The following CPAMD8 variants were observed in gnomAD, a reference collection of about 807,000 sequenced individuals.
CPAMD8 encodes C3 and PZP-like alpha-2-macroglobulin domain-containing protein 8.
CPAMD8 carries 146 observed loss-of-function variants against 224.7 expected under a neutral mutation model. The ratio of observed to expected loss-of-function variants is 0.65; its 90% CI spans 0.57 to 0.75. The LOEUF (loss-of-function observed/expected upper bound fraction) is 0.75, where lower values mean the gene tolerates loss of function less well. CPAMD8 is among the 30% of genes least tolerant of loss of function. The pLI is 0.00. For missense variants in CPAMD8, 2,301 were observed against 2,537.5 expected, an observed-to-expected ratio of 0.91 and a Z score of 2.00; for synonymous variants, 966 against 1,044.6, an observed-to-expected ratio of 0.92 and a Z score of 1.45.
intron 7 of CPAMD8, among the ~76,000 whole-genome samples, chr19:17,007,460 A>C (rs960652934): frequency 1.3e-5 from 2 of 151,876 alleles, no homozygotes; most frequent in African/African-American, 4.8e-5. Flanking sequence ...GGAAGATCGA[A>C]GAAGAAGGAG....
At chr19:16,985,729 A>G (rs1166887214) in intron 13 of CPAMD8, among the ~76,000 whole-genome samples, 9 of 145,986 alleles carry the variant, frequency 6.2e-5, no homozygotes, top group Non-Finnish European at 1.1e-4. Context: ...GATAAAGGGT[A>G]GTAGGTGGAT....
chr19:16,921,272 C>G (rs1371157363), intron 27 of CPAMD8, among the ~76,000 whole-genome samples: 1 of 152,160 alleles, frequency 6.6e-6, no homozygotes, highest in African/African-American at 2.4e-5. Flanking sequence ...ACGCTCACAG[C>G]TGCTGTCGGC....
intron 30 of CPAMD8, among the ~76,000 whole-genome samples, chr19:16,906,391 TTTCTTTCTTTCTTTCTTTCC>T (rs773901869): frequency 0.014 from 1,068 of 78,380 alleles, 3 homozygotes; most frequent in Admixed American, 0.016. Context: ...TCTTTCTTTC[TTTCTTTCTTTCTTTCTTTCC>T]TTCCTTCCTT....
intron 6 of CPAMD8, 151 bp downstream of exon 6, chr19:17,009,152 G>A: frequency 2.3e-6 from 3 of 1,298,020 alleles, no homozygotes; most frequent in African/African-American, 1.5e-5. Context: ...GGCGGACCCA[G>A]GGACCAGGAT....
chr19:16,997,071 G>T lies in CPAMD8; in HGVS notation c.1095+40C>A, dbSNP rs367778759. ...TGGCTAGTGGTGGTGGTTTCACGGT[G>T]GTCCTTGGGCGGGAGGCAGCACAGT... On this transcript the variant is annotated intron_variant, in intron 11 of 41. Coordinates refer to ENST00000443236, the MANE Select transcript of CPAMD8 (RefSeq NM_015692.5). 1.3e-5 allele frequency: 17 copies of T among 1,293,662 alleles called. No homozygotes were observed. In the African/African-American group the frequency reaches 2.0e-4, roughly 15 times the overall value. 80.1% of individuals were successfully genotyped at this position (1,293,662 alleles called of 1,614,324 possible). A position where few individuals can be genotyped will look rare whatever the true frequency, so the allele number is the denominator to read the frequency against.
chr19:16,940,243 G>A (rs576683358), intron 22 of CPAMD8, among the ~76,000 whole-genome samples: 2 of 152,294 alleles, frequency 1.3e-5, no homozygotes, highest in African/African-American at 4.8e-5. Context: ...AGGGCAGCTT[G>A]TAAACTTCTC....
chr19:16,942,487 C>T (rs2085463), intron 22 of CPAMD8, among the ~76,000 whole-genome samples: 13,962 of 152,130 alleles, frequency 0.092, 2,212 homozygotes, highest in African/African-American at 0.32. Flanking sequence ...TATAAATAAA[C>T]TAATAAATAA....
At chr19:16,911,824 G>A (rs868796704) in intron 29 of CPAMD8, among the ~76,000 whole-genome samples, 5 of 152,256 alleles carry the variant, frequency 3.3e-5, no homozygotes, top group South Asian at 2.1e-4. Flanking sequence ...GATTACAGGC[G>A]TGAGCCACCA....
rs890431250 is a variant in CPAMD8 at position 16,907,641 on chromosome 19, T to G, written c.3862-524A>C. The G allele has an allele frequency of 4.7e-5, 7 of 150,456 alleles. No individual in the cohort carries two copies. The East Asian group carries it at 1.0e-3, about 21-fold the overall frequency. 9.3% of individuals were successfully genotyped at this position (150,456 alleles called of 1,614,324 possible). ...AAAAAAAATACAGACAGCATCTTAC[T>G]CTGTTGCCCAGGCTGGAGTGCAGTG... On this transcript the variant is annotated intron_variant, in intron 29 of 41. Transcript: ENST00000443236.
chr19:16,912,239 G>C (rs939820591), intron 29 of CPAMD8, among the ~76,000 whole-genome samples: 5 of 152,146 alleles, frequency 3.3e-5, no homozygotes, highest in African/African-American at 1.2e-4. Context: ...CCACAAAACT[G>C]GTCCCTTGTG....
Position 16,951,983 on chromosome 19 carries a change from C to T in CPAMD8, c.2494G>A (p.Gly832Ser), listed in dbSNP as rs2054311484. Residue 832 changes from glycine (G) to serine (S), a missense_variant, in exon 20 of 42, where the codon GGC becomes AGC. Physicochemically the swap from Gly to Ser is moderately conservative, Grantham distance 56 (BLOSUM62 0). Coordinates refer to ENST00000443236, the MANE Select transcript of CPAMD8 (RefSeq NM_015692.5). ...KIPLSVYNYM[G>S]TCAEVYMKLS... ...GGGCTGAGTACCTCAGCGCAGGTGCCCATGTAGTTGTAGACACTGAGCGGG... is the reference window on the plus strand; with the variant it reads ...GGGCTGAGTACCTCAGCGCAGGTGCTCATGTAGTTGTAGACACTGAGCGGG... The T allele has an allele frequency of 6.4e-7, 1 of 1,571,510 alleles. No homozygotes were observed. Among genetic ancestry groups the T allele is most frequent in the Admixed American group, 1.9e-5 (1 of 53,494 alleles).
intron 26 of CPAMD8, among the ~76,000 whole-genome samples, chr19:16,922,724 A>C (rs868139064): frequency 5.3e-5 from 8 of 150,746 alleles, no homozygotes; most frequent in African/African-American, 9.8e-5. Context: ...TGCTCCACAC[A>C]TCTGGGGTTC....
intron 8 of CPAMD8, 38 bp from the exon 9 acceptor site, chr19:17,002,388 T>A: frequency 1.4e-6 from 2 of 1,475,762 alleles, no homozygotes; most frequent in East Asian, 2.3e-5. Flanking sequence ...CTGGCTTCTG[T>A]CCCTAAGGTG....
intron 27 of CPAMD8, among the ~76,000 whole-genome samples, chr19:16,917,966 T>C (rs1331925028): frequency 1.3e-5 from 2 of 152,142 alleles, no homozygotes. Flanking sequence ...TAGTTGCATA[T>C]AACCGACACA....
intron 27 of CPAMD8, among the ~76,000 whole-genome samples, chr19:16,920,998 G>C (rs577406712): frequency 6.6e-5 from 10 of 152,218 alleles, no homozygotes; most frequent in African/African-American, 2.4e-4. Context: ...GGTGGGCGGG[G>C]CCTCTGCTTG....
In CPAMD8 at chr19:16,899,604, C is replaced by A; in HGVS notation, c.4774-55G>T. On this transcript the variant is annotated intron_variant, in intron 36 of 41. Transcript: ENST00000443236. The surrounding 1 kb of genome is among the most constrained non-coding windows in gnomAD (Gnocchi z 5.4). ...CAGACTCTCTACTTGCTTCCTCTCC[C>A]ATCCCCTGGGGGCAGTGGTCAGTGG... is the stretch of plus-strand genomic sequence containing the variant. The A allele has an allele frequency of 3.5e-6, 3 of 860,492 alleles. No homozygotes were observed. The highest frequency in any genetic ancestry group is 2.0e-6 in the Non-Finnish European group (1 of 494,982). 53.3% of individuals were successfully genotyped at this position (860,492 alleles called of 1,614,324 possible).
At chr19:16,980,353 A>G (rs2055464046) in intron 14 of CPAMD8, 144 bp downstream of exon 14, 4 of 676,428 alleles carry the variant, frequency 5.9e-6, no homozygotes, top group Non-Finnish European at 2.5e-6. Flanking sequence ...CCAGTCTGGT[A>G]TTGTTAAGGA....
chr19:17,008,424 G>T, intron 7 of CPAMD8, 81 bp downstream of exon 7: 1 of 1,524,078 alleles, frequency 6.6e-7, no homozygotes, highest in Non-Finnish European at 9.0e-7. Context: ...CATTAGCGGT[G>T]GGCCCTGGAC....
chr19:16,933,550 A>G (rs920615207), intron 23 of CPAMD8, among the ~76,000 whole-genome samples: 2 of 152,080 alleles, frequency 1.3e-5, no homozygotes, highest in Non-Finnish European at 2.9e-5. Context: ...TCCACAAAAA[A>G]AAAGACATAC....
Sources: gnomAD v4.1 joint callset for allele counts (sites outside exome capture counted in the v4.1 genomes callset) on GRCh38, gnomAD v4.1.1 for gene constraint, Gnocchi (gnomAD v3.1) non-coding constraint, MANE v1.5 for transcripts, NCBI Gene and HGNC (gene_info 2026-07-23, HGNC 2026-07-21) for gene names.